The following NLGN4X variants were observed in gnomAD, a reference collection of about 807,000 sequenced individuals.
NLGN4X encodes the protein neuroligin 4 X-linked, also known as neuroligin-4, X-linked.
In NLGN4X, 3 loss-of-function variants were observed where a neutral mutation model predicts 40.3. The observed-to-expected ratio is 0.07, with a 90% CI of 0.03 to 0.19. The LOEUF is 0.19. NLGN4X is among the 10% of genes least tolerant of loss of function. The pLI, the probability that NLGN4X is intolerant of heterozygous loss-of-function variation, is 1.00. For synonymous variants in NLGN4X, 270 were observed against 306.8 expected (o/e 0.88, Z 1.25); for missense variants, 382 against 708.3 (o/e 0.54, Z 5.23).
In NLGN4X at chrX:5,909,673, A is replaced by T. The variant is rs191945333; in HGVS notation, c.626-434T>A. On this transcript the variant is annotated intron_variant, in intron 3 of 5. Coordinates refer to ENST00000381095, the MANE Select transcript of NLGN4X (RefSeq NM_181332.3). ...GGGGGGGGAGGGGGCGTAAGTGCAC[A>T]TGTGTGTCTGTGTCTAAGAATATGT... is the stretch of plus-strand genomic sequence containing the variant. 8.2e-5 allele frequency among the ~76,000 whole-genome samples: 9 copies of T among 109,459 alleles called. No individual in the cohort carries two copies. In the East Asian group the frequency reaches 2.6e-3, roughly 32 times the overall value.
intron 3 of NLGN4X, among the ~76,000 whole-genome samples, chrX:6,025,760 G>A (rs764461701): frequency 6.4e-5 from 7 of 108,868 alleles, no homozygotes; most frequent in Non-Finnish European, 1.1e-4. Context: ...AAAAATTAGC[G>A]GGGCGTGGTG....
intron 3 of NLGN4X, among the ~76,000 whole-genome samples, chrX:5,924,983 T>C (rs900717768): frequency 1.2e-4 from 13 of 110,394 alleles, no homozygotes; most frequent in Admixed American, 1.2e-3. Flanking sequence ...CAAATACCAC[T>C]TGTTCCCCTA....
rs2031242699 is a variant in NLGN4X, at chrX:5,892,713, G to A, written c.*104C>T. 1.8e-6 allele frequency: 2 copies of A among 1,105,210 alleles called. No homozygotes were observed. The highest frequency in any genetic ancestry group is 2.4e-6 in the Non-Finnish European group (2 of 818,614). 91.1% of individuals were successfully genotyped at this position (1,105,210 alleles called of 1,213,427 possible). On this transcript the variant is annotated 3_prime_UTR_variant, in exon 6 of 6. Transcript: ENST00000381095. ...AGTCAGTGGGACAAAAACATTCCTG[G>A]TCTGGAGACTTTCTTTCTCTCTCTC...
intron 1 of NLGN4X, among the ~76,000 whole-genome samples, chrX:6,215,363 A>G (rs1666558867): frequency 9.1e-6 from 1 of 110,418 alleles, no homozygotes; most frequent in Non-Finnish European, 1.9e-5. Flanking sequence ...CCAGCTGACC[A>G]ACATGGAGAA....
At chrX:6,223,526 T>A (rs1012537637) in intron 1 of NLGN4X, among the ~76,000 whole-genome samples, 1 of 112,649 alleles carries the variant, frequency 8.9e-6, no homozygotes, top group Admixed American at 9.4e-5. Flanking sequence ...ACCTTCTTTT[T>A]TTTCTTGTTC....
intron 2 of NLGN4X, among the ~76,000 whole-genome samples, chrX:6,134,693 G>T (rs1466585616): frequency 8.9e-6 from 1 of 112,367 alleles, no homozygotes; most frequent in Non-Finnish European, 1.9e-5. Flanking sequence ...ACAATCCAAT[G>T]ACACTTAATG....
rs941650587 is a variant in NLGN4X, at chrX:5,891,034, A to C, written c.*1783T>G. 6 of 300,010 alleles carry C rather than the reference A, an allele frequency of 2.0e-5. No homozygotes were observed. Among genetic ancestry groups the C allele is most frequent in the Non-Finnish European group, 3.7e-5 (6 of 160,022 alleles). The allele number at this position is 300,010 out of a possible 1,213,427, so 24.7% of individuals were successfully genotyped here. A position where few individuals can be genotyped will look rare whatever the true frequency, so the allele number is the denominator to read the frequency against. The stretch of plus-strand genomic sequence containing the variant: ...ATGGAGCCGAGGAACATGATCTTCA[A>C]ATATCTTTGGCTACTGTTTCTTGGT... On this transcript the variant is annotated 3_prime_UTR_variant, in exon 6 of 6. Transcript: ENST00000381095.
chrX:6,031,494 C>T (rs1336160047), intron 2 of NLGN4X, among the ~76,000 whole-genome samples: 3 of 111,128 alleles, frequency 2.7e-5, no homozygotes, highest in Non-Finnish European at 5.7e-5. Context: ...GGCAAGATTT[C>T]TTTTCTTGGA....
chrX:5,915,161 A>T (rs932012050), intron 3 of NLGN4X, among the ~76,000 whole-genome samples: 2 of 112,468 alleles, frequency 1.8e-5, no homozygotes, highest in African/African-American at 6.5e-5. Context: ...CACAGAACCA[A>T]AGTCTATTTC....
chrX:5,951,098 C>T (rs2034294060), intron 3 of NLGN4X, among the ~76,000 whole-genome samples: 1 of 112,103 alleles, frequency 8.9e-6, no homozygotes, highest in African/African-American at 3.2e-5. Flanking sequence ...CAATGATTCC[C>T]ATGGTTTTTA....
intron 1 of NLGN4X, among the ~76,000 whole-genome samples, chrX:6,180,887 G>A (rs1418787972): frequency 1.8e-5 from 2 of 110,722 alleles, no homozygotes; most frequent in Non-Finnish European, 3.8e-5. Flanking sequence ...CTGGAGCAGA[G>A]TTATATCCAC....
intron 3 of NLGN4X, among the ~76,000 whole-genome samples, chrX:5,927,423 G>T (rs758966864): frequency 1.8e-5 from 2 of 111,979 alleles, no homozygotes; most frequent in Non-Finnish European, 3.8e-5. Context: ...AACTTGAAGA[G>T]AAATCATTAA....
chrX:6,072,888 A>G (rs1193379333), intron 2 of NLGN4X, among the ~76,000 whole-genome samples: 1 of 112,282 alleles, frequency 8.9e-6, no homozygotes, highest in East Asian at 2.8e-4. Context: ...AGCCCGAATT[A>G]AGTCCAAGCT....
intron 2 of NLGN4X, among the ~76,000 whole-genome samples, chrX:6,036,610 G>GCACACACACA (rs55801725): frequency 1.3e-4 from 12 of 93,576 alleles, no homozygotes; most frequent in East Asian, 6.9e-4. Context: ...TGTGGCTGGC[G>GCACACACACA]CACACACACA....
At chrX:5,988,238 C>T (rs931568865) in intron 3 of NLGN4X, among the ~76,000 whole-genome samples, 3 of 111,806 alleles carry the variant, frequency 2.7e-5, no homozygotes, top group African/African-American at 6.5e-5. Flanking sequence ...GCCATTGATC[C>T]GTCCATCACA....
chrX:5,991,414 C>G (rs1337033751), intron 3 of NLGN4X: 1 of 513,903 alleles, frequency 1.9e-6, no homozygotes, highest in African/African-American at 2.3e-5. Context: ...CTTTCCACCT[C>G]TAATTCCATC....
intron 1 of NLGN4X, among the ~76,000 whole-genome samples, chrX:6,166,651 A>C (rs1315476115): frequency 9.0e-6 from 1 of 110,650 alleles, no homozygotes; most frequent in Admixed American, 9.8e-5. Context: ...AGCAAAGGTT[A>C]CAGCTTTCTG....
chrX:6,157,728 T>C (rs1163280417), intron 1 of NLGN4X, among the ~76,000 whole-genome samples: 2 of 110,923 alleles, frequency 1.8e-5, no homozygotes, highest in African/African-American at 6.6e-5. Context: ...AAAATGTCAT[T>C]AATACCATTC....
At chrX:6,119,540 G>A (rs759003519) in intron 2 of NLGN4X, among the ~76,000 whole-genome samples, 3 of 111,150 alleles carry the variant, frequency 2.7e-5, no homozygotes, top group East Asian at 2.8e-4. Context: ...GGGTAATAAC[G>A]TTGGAAAAGA....
Sources: gnomAD v4.1 joint callset for allele counts (sites outside exome capture counted in the v4.1 genomes callset) on GRCh38, gnomAD v4.1.1 for gene constraint, MANE v1.5 for transcripts, NCBI Gene and HGNC (gene_info 2026-07-23, HGNC 2026-07-21) for gene names.